Variants in COL13A1 observed in about 807,000 individuals in gnomAD.
COL13A1 encodes collagen type XIII alpha 1 chain.
Under a neutral mutation model 130.9 loss-of-function variants are expected in COL13A1, and 89 were observed. The ratio of observed to expected loss-of-function variants is 0.68; its 90% CI spans 0.57 to 0.81. The LOEUF (loss-of-function observed/expected upper bound fraction) is 0.81. Among genes scored for constraint, COL13A1 ranks in the 30% least tolerant of loss-of-function variants. The probability of loss-of-function intolerance (pLI) is 0.00; values close to 1 mark genes in which losing one functional copy is unlikely to be tolerated. For synonymous variants in COL13A1, 402 were observed against 341.6 expected, an observed-to-expected ratio of 1.18 and a Z score of -1.95; for missense variants, 879 against 934.6, an observed-to-expected ratio of 0.94 and a Z score of 0.78.
At chr10:69,816,600 A>G (rs1844580918) in intron 1 of COL13A1, among the ~76,000 whole-genome samples, 1 of 152,168 alleles carries the variant, frequency 6.6e-6, no homozygotes, top group Non-Finnish European at 1.5e-5. Flanking sequence ...GACTTCCAAC[A>G]TTTAGACATC....
Position 69,877,693 on chromosome 10 carries a change from TCTCTCTCACACACA to T in COL13A1, c.436-344_436-331del, listed in dbSNP as rs1467723065. 3.4e-5 allele frequency: 4 copies of T among 118,542 alleles called. No individual in the cohort carries two copies. In the East Asian group the frequency reaches 7.3e-4, roughly 22 times the overall value. 7.3% of individuals were successfully genotyped at this position (118,542 alleles called of 1,614,324 possible). On this transcript the variant is annotated intron_variant, in intron 5 of 40. Transcript: ENST00000645393. ...CTCTCTGTCTCTCTCTCTCTCTCTC[TCTCTCTCACACACA>T]CACACACACACACACACACACACAC...
chr10:69,862,093 G>A (rs1056864540), intron 2 of COL13A1, among the ~76,000 whole-genome samples: 1 of 152,210 alleles, frequency 6.6e-6, no homozygotes, highest in African/African-American at 2.4e-5. Context: ...AGGAAGAGAT[G>A]CCCACAGTTG....
At chr10:69,850,806 C>T (rs1854562486) in intron 2 of COL13A1, among the ~76,000 whole-genome samples, 1 of 152,238 alleles carries the variant, frequency 6.6e-6, no homozygotes, top group South Asian at 2.1e-4. Context: ...GGCCTCAGCC[C>T]ACCCAGGTAG....
intron 15 of COL13A1, among the ~76,000 whole-genome samples, chr10:69,904,248 C>A (rs1252662093): frequency 2.6e-5 from 4 of 152,140 alleles, no homozygotes; most frequent in African/African-American, 9.7e-5. Flanking sequence ...GGGCTCTCAT[C>A]CACTGAACCC....
chr10:69,810,892 C>T (rs1454903311), intron 1 of COL13A1, among the ~76,000 whole-genome samples: 1 of 152,242 alleles, frequency 6.6e-6, no homozygotes, highest in Non-Finnish European at 1.5e-5. Flanking sequence ...AGGGGTGGGC[C>T]TGCTGGCAGG....
chr10:69,894,122 G>A (rs923493927), intron 10 of COL13A1, among the ~76,000 whole-genome samples: 9 of 152,164 alleles, frequency 5.9e-5, no homozygotes, highest in Admixed American at 2.6e-4. Flanking sequence ...CTGAGGCACC[G>A]GCCCAGCACC....
intron 1 of COL13A1, among the ~76,000 whole-genome samples, chr10:69,809,252 C>T (rs1236970696): frequency 2.6e-5 from 4 of 152,232 alleles, no homozygotes; most frequent in Non-Finnish European, 5.9e-5. Flanking sequence ...AATCATTTGG[C>T]TAATGGCAAC....
chr10:69,955,374 C>G (rs908439228), intron 39 of COL13A1: 1 of 152,542 alleles, frequency 6.6e-6, no homozygotes, highest in African/African-American at 2.4e-5. Flanking sequence ...ATGGGAATGC[C>G]GCTCTGGCCC....
At chr10:69,829,369 C>T in intron 2 of COL13A1, 3 of 638,260 alleles carry the variant, frequency 4.7e-6, no homozygotes, top group Non-Finnish European at 5.9e-6. Context: ...GCCCTAAATC[C>T]CTAACACAGC....
intron 17 of COL13A1, among the ~76,000 whole-genome samples, chr10:69,915,649 G>A (rs377376139): frequency 3.9e-5 from 6 of 152,338 alleles, no homozygotes; most frequent in African/African-American, 1.4e-4. Context: ...GCCTCTGCAG[G>A]CTGAAAACAG....
intron 1 of COL13A1, among the ~76,000 whole-genome samples, chr10:69,811,107 C>T (rs1354684361): frequency 6.6e-6 from 1 of 152,260 alleles, no homozygotes; most frequent in Non-Finnish European, 1.5e-5. Flanking sequence ...TTCCCATCCT[C>T]ACTCCCACCC....
chr10:69,852,704 A>ACAAGGGTGGCGC, intron 2 of COL13A1, among the ~76,000 whole-genome samples: 1 of 152,366 alleles, frequency 6.6e-6, no homozygotes, highest in East Asian at 1.9e-4. Context: ...GGGGGCAAGT[A>ACAAGGGTGGCGC]CAAGGGTGGC....
chr10:69,847,045 C>T (rs1451164116), intron 2 of COL13A1, among the ~76,000 whole-genome samples: 1 of 152,242 alleles, frequency 6.6e-6, no homozygotes, highest in African/African-American at 2.4e-5. Context: ...TTGACCCTCG[C>T]CTGCTTCTTC....
rs60891008 is a variant in COL13A1, at chr10:69,810,368, G to C, written c.294+7651G>C. On this transcript the variant is annotated intron_variant, in intron 1 of 40. Coordinates refer to ENST00000645393, the MANE Select transcript of COL13A1 (RefSeq NM_001368882.1). Reference sequence around the variant, plus strand: ...AGAATGAGAGAGAGAGAGAGAGAGAGAGAGAGAGAGAGACAGAGAGTCTGT... The same window carrying C: ...AGAATGAGAGAGAGAGAGAGAGAGACAGAGAGAGAGAGACAGAGAGTCTGT... 9.8e-4 allele frequency among the ~76,000 whole-genome samples: 111 copies of C among 113,578 alleles called. 5 individuals are homozygous for C. In the East Asian group the frequency reaches 0.02, roughly 21 times the overall value. 74.5% of individuals were successfully genotyped at this position (113,578 alleles called of 152,430 possible).
chr10:69,946,575 T>C (rs118179527), intron 37 of COL13A1, among the ~76,000 whole-genome samples: 1,624 of 152,276 alleles, frequency 0.011, 15 homozygotes, highest in South Asian at 0.043. Flanking sequence ...TTCCCCTAGC[T>C]GTAGAATGAA....
chr10:69,846,043 T>C (rs1852953060), intron 2 of COL13A1, among the ~76,000 whole-genome samples: 2 of 152,272 alleles, frequency 1.3e-5, no homozygotes, highest in African/African-American at 2.4e-5. Context: ...CAGTCCTGAA[T>C]GAACCATTCC....
At chr10:69,898,506 C>T (rs1029634704) in intron 13 of COL13A1, among the ~76,000 whole-genome samples, 191 bp from the exon 14 acceptor site, 1 of 152,258 alleles carries the variant, frequency 6.6e-6, no homozygotes, top group African/African-American at 2.4e-5. Context: ...CGCTCTGCAT[C>T]CTCAAGCCGT....
At chr10:69,921,995 C>T in intron 22 of COL13A1, 60 bp downstream of exon 22, 1 of 1,539,706 alleles carries the variant, frequency 6.5e-7, no homozygotes, top group South Asian at 1.2e-5. Flanking sequence ...CATACCTGGC[C>T]CTGCACATCC....
intron 2 of COL13A1, among the ~76,000 whole-genome samples, chr10:69,863,241 G>C (rs1253504403): frequency 6.6e-6 from 1 of 152,172 alleles, no homozygotes; most frequent in African/African-American, 2.4e-5. Context: ...TCCCAGTCGT[G>C]AAATCAAAAT....
Sources: allele counts gnomAD v4.1 joint callset (sites outside exome capture counted in the v4.1 genomes callset), GRCh38; gene constraint gnomAD v4.1.1; transcripts MANE v1.5; gene names NCBI Gene and HGNC (gene_info 2026-07-23, HGNC 2026-07-21).